Variants in HS2ST1 observed in about 807,000 individuals in gnomAD.
HS2ST1 encodes heparan sulfate 2-O-sulfotransferase 1.
Under a neutral mutation model 42.9 loss-of-function variants are expected in HS2ST1, and 18 were observed. The observed-to-expected ratio is 0.42, with a 90% CI of 0.29 to 0.62. The LOEUF (loss-of-function observed/expected upper bound fraction) is 0.62, where lower values mean the gene tolerates loss of function less well. Ranked by LOEUF, HS2ST1 falls within the 20% of genes least tolerant of loss-of-function variation. HS2ST1 has a pLI of 0.21. For missense variants in HS2ST1, 334 were observed against 433.8 expected (o/e 0.77, Z 2.04); for synonymous variants, 146 against 152.9 (o/e 0.95, Z 0.33).
chr1:86,936,278 G>T (rs545741310), intron 1 of HS2ST1, among the ~76,000 whole-genome samples: 1 of 151,782 alleles, frequency 6.6e-6, no homozygotes, highest in Admixed American at 6.6e-5. Flanking sequence ...AATTTTTAGG[G>T]ATGTAATTTT....
chr1:86,921,675 A>G (rs973609662), intron 1 of HS2ST1, among the ~76,000 whole-genome samples: 1 of 152,280 alleles, frequency 6.6e-6, no homozygotes, highest in Admixed American at 6.5e-5. Context: ...GGATGCCACA[A>G]GAAGTCCCTC....
intron 5 of HS2ST1, among the ~76,000 whole-genome samples, chr1:87,101,318 A>G (rs934809419): frequency 1.3e-5 from 2 of 151,292 alleles, no homozygotes; most frequent in African/African-American, 2.4e-5. Context: ...GGCGTGTGCC[A>G]CCATGCCCAG....
intron 1 of HS2ST1, chr1:87,046,572 G>A (rs908069718): frequency 1.8e-5 from 28 of 1,577,470 alleles, no homozygotes; most frequent in Middle Eastern, 1.7e-4. Flanking sequence ...AAACTATGGC[G>A]GAAAAGGAAA....
intron 1 of HS2ST1, among the ~76,000 whole-genome samples, chr1:87,029,223 G>A (rs529323366): frequency 6.6e-6 from 1 of 152,126 alleles, no homozygotes; most frequent in South Asian, 2.1e-4. Flanking sequence ...ACCATGTATG[G>A]GCACTTTTGC....
intron 1 of HS2ST1, among the ~76,000 whole-genome samples, chr1:86,994,713 G>A (rs1243809627): frequency 6.6e-6 from 1 of 151,270 alleles, no homozygotes; most frequent in Non-Finnish European, 1.5e-5. Context: ...AATGTTTTAG[G>A]GTCTTATTAC....
chr1:87,071,804 A>G (rs1651419085), intron 1 of HS2ST1, among the ~76,000 whole-genome samples: 1 of 151,878 alleles, frequency 6.6e-6, no homozygotes, highest in Admixed American at 6.6e-5. Context: ...TTGAGTTGAA[A>G]TGTAAAGGTT....
intron 1 of HS2ST1, among the ~76,000 whole-genome samples, chr1:87,028,925 G>A (rs1650160321): frequency 6.6e-6 from 1 of 152,068 alleles, no homozygotes; most frequent in African/African-American, 2.4e-5. Context: ...TTTATACAAA[G>A]GTAGTGAAAC....
chr1:86,946,435 C>T (rs2102181089), intron 1 of HS2ST1, among the ~76,000 whole-genome samples: 1 of 152,272 alleles, frequency 6.6e-6, no homozygotes, highest in African/African-American at 2.4e-5. Flanking sequence ...TACACTACTT[C>T]CAGTGTTTAT....
intron 6 of HS2ST1, among the ~76,000 whole-genome samples, chr1:87,103,803 A>G (rs1652271391): frequency 6.6e-6 from 1 of 152,184 alleles, no homozygotes. Flanking sequence ...GAATGATACA[A>G]AGTACAGAAC....
intron 1 of HS2ST1, among the ~76,000 whole-genome samples, chr1:87,039,023 A>G (rs1259074780): frequency 6.6e-6 from 1 of 152,236 alleles, no homozygotes; most frequent in Non-Finnish European, 1.5e-5. Flanking sequence ...ATTAGTAAAA[A>G]CAATCATGAG....
chr1:87,094,419 T>A (rs563442038), intron 4 of HS2ST1, among the ~76,000 whole-genome samples: 6 of 152,250 alleles, frequency 3.9e-5, no homozygotes, highest in African/African-American at 1.4e-4. Flanking sequence ...TTTATATGTA[T>A]TTTTTCAGGT....
intron 1 of HS2ST1, among the ~76,000 whole-genome samples, chr1:87,040,535 G>A (rs569557808): frequency 1.1e-4 from 17 of 152,062 alleles, no homozygotes; most frequent in African/African-American, 3.4e-4. Flanking sequence ...CATTGACTCC[G>A]CCAAGGTGCT....
intron 1 of HS2ST1, chr1:87,045,833 T>G: frequency 1.3e-6 from 1 of 750,504 alleles, no homozygotes; most frequent in Non-Finnish European, 2.4e-6. Flanking sequence ...TGAGCTCAGC[T>G]CCATCCCCCT....
intron 1 of HS2ST1, among the ~76,000 whole-genome samples, chr1:87,051,731 A>G (rs1280233683): frequency 1.3e-5 from 2 of 152,198 alleles, no homozygotes; most frequent in East Asian, 1.9e-4. Context: ...CATTGTGGGC[A>G]TGTTGAAGTG....
intron 5 of HS2ST1, among the ~76,000 whole-genome samples, chr1:87,100,030 A>T (rs959222490): frequency 6.6e-6 from 1 of 152,152 alleles, no homozygotes; most frequent in Non-Finnish European, 1.5e-5. Context: ...GGCTGCTCTC[A>T]TGGGTTGGAA....
chr1:86,997,659 A>G (rs1279649058), intron 1 of HS2ST1, among the ~76,000 whole-genome samples: 1 of 152,154 alleles, frequency 6.6e-6, no homozygotes, highest in Non-Finnish European at 1.5e-5. Flanking sequence ...TCCATGGGGA[A>G]TATGTTCTAA....
chr1:87,062,174 G>C (rs559928218), intron 1 of HS2ST1, among the ~76,000 whole-genome samples: 69 of 151,812 alleles, frequency 4.5e-4, no homozygotes, highest in African/African-American at 1.5e-3. Flanking sequence ...ATTTTGATTT[G>C]CTTATTTTCA....
intron 1 of HS2ST1, among the ~76,000 whole-genome samples, chr1:87,025,909 T>G (rs1650075872): frequency 6.6e-6 from 1 of 152,220 alleles, no homozygotes; most frequent in African/African-American, 2.4e-5. Context: ...CTGAGTAAAA[T>G]TGCTAGTGTG....
chr1:86,977,648 A>G (rs1030025259), intron 1 of HS2ST1, among the ~76,000 whole-genome samples: 1 of 152,176 alleles, frequency 6.6e-6, no homozygotes, highest in African/African-American at 2.4e-5. Flanking sequence ...CAGCTTTTCA[A>G]ATAGGAAAGG....
Sources: gnomAD v4.1 joint callset for allele counts (sites outside exome capture counted in the v4.1 genomes callset) on GRCh38, gnomAD v4.1.1 for gene constraint, MANE v1.5 for transcripts, NCBI Gene and HGNC (gene_info 2026-07-23, HGNC 2026-07-21) for gene names.